Variants in SLC36A1 observed in about 807,000 individuals in gnomAD.
SLC36A1 encodes the protein proton-coupled amino acid transporter 1.
SLC36A1 carries 30 observed loss-of-function variants against 47.5 expected under a neutral mutation model. That is an observed-to-expected ratio of 0.63 (90% CI 0.47 to 0.86). SLC36A1 has a LOEUF of 0.86. SLC36A1 is among the 40% of genes least tolerant of loss of function. The pLI is 0.00. For synonymous variants in SLC36A1, 255 were observed against 249.7 expected (o/e 1.02, Z -0.20); for missense variants, 517 against 606.0 (o/e 0.85, Z 1.54).
At chr5:151,506,002 G>A in the SLC36A1 span, 15 of 1,575,336 alleles carry the variant, frequency 9.5e-6, no homozygotes, top group Non-Finnish European at 1.3e-5. Flanking sequence ...TGAGCCGAGG[G>A]CGGCAGAGGG....
the SLC36A1 span, among the ~76,000 whole-genome samples, chr5:151,507,000 G>A: frequency 2.6e-4 from 39 of 152,330 alleles, no homozygotes; most frequent in African/African-American, 7.9e-4. Context: ...TCCAGCATCC[G>A]TGCCCTGTAA....
chr5:151,549,065 C>G, the SLC36A1 span, among the ~76,000 whole-genome samples: 2 of 152,222 alleles, frequency 1.3e-5, no homozygotes, highest in African/African-American at 4.8e-5. Flanking sequence ...AATATATATG[C>G]AAATTCTCCC....
chr5:151,438,510 G>A (rs1323638568), intron 1 of SLC36A1, among the ~76,000 whole-genome samples: 1 of 152,164 alleles, frequency 6.6e-6, no homozygotes, highest in African/African-American at 2.4e-5. Flanking sequence ...GATTGGGAAA[G>A]TCTTCCTTAT....
At chr5:151,430,581 C>T in the SLC36A1 span, among the ~76,000 whole-genome samples, 1 of 152,130 alleles carries the variant, frequency 6.6e-6, no homozygotes, top group Non-Finnish European at 1.5e-5. Context: ...GCCTTGGCCT[C>T]CCAAAGTGCT....
the SLC36A1 span, chr5:151,525,717 G>T: frequency 1.2e-4 from 199 of 1,599,880 alleles, no homozygotes; most frequent in East Asian, 4.2e-3. Context: ...GCTTTTGCCA[G>T]CATCTTTACT....
the SLC36A1 span, chr5:151,529,291 T>A: frequency 6.2e-7 from 1 of 1,613,972 alleles, no homozygotes; most frequent in African/African-American, 1.3e-5. Flanking sequence ...ATGACTGTGG[T>A]CACGTCACTG....
the SLC36A1 span, chr5:151,521,421 C>T: frequency 6.2e-7 from 1 of 1,614,210 alleles, no homozygotes; most frequent in African/African-American, 1.3e-5. Flanking sequence ...GGCAGGGCAC[C>T]ATGGGCATAG....
chr5:151,354,725 G>A, the SLC36A1 span, among the ~76,000 whole-genome samples: 1 of 152,154 alleles, frequency 6.6e-6, no homozygotes, highest in Non-Finnish European at 1.5e-5. Flanking sequence ...CTAGCTCCAG[G>A]AATAGTCTTG....
chr5:151,531,620 C>T, the SLC36A1 span: 37 of 1,613,026 alleles, frequency 2.3e-5, no homozygotes, highest in East Asian at 2.2e-5. This position sits in a 1 kb window ranked among gnomAD's most constrained non-coding sequence, Gnocchi z 5.7. Context: ...CTGCCTTGCT[C>T]GTTCCCGCTG....
chr5:151,534,727 A>G, the SLC36A1 span: 42 of 1,148,322 alleles, frequency 3.7e-5, no homozygotes, highest in Non-Finnish European at 5.1e-5. Flanking sequence ...CAGGAGACAA[A>G]CCCAGCCACA....
the SLC36A1 span, among the ~76,000 whole-genome samples, chr5:151,552,289 A>G: frequency 3.3e-5 from 5 of 152,076 alleles, no homozygotes; most frequent in Admixed American, 6.6e-5. Flanking sequence ...CCCAGCCCAT[A>G]TGTGTTTTTG....
intron 1 of SLC36A1, among the ~76,000 whole-genome samples, chr5:151,451,955 T>A (rs1753721902): frequency 6.6e-6 from 1 of 152,152 alleles, no homozygotes; most frequent in South Asian, 2.1e-4. Flanking sequence ...ATTTGACTCA[T>A]CCTGGGGCCT....
chr5:151,382,200 T>A, the SLC36A1 span: 1 of 1,186,922 alleles, frequency 8.4e-7, no homozygotes, highest in Non-Finnish European at 1.3e-6. Context: ...GCGTCTGATG[T>A]CCTGGGTGAA....
chr5:151,454,277 T>C (rs1581076211), intron 1 of SLC36A1, among the ~76,000 whole-genome samples: 1 of 152,078 alleles, frequency 6.6e-6, no homozygotes, highest in Non-Finnish European at 1.5e-5. Context: ...TAACAGGTAC[T>C]ATTAAAATCT....
At chr5:151,443,142 G>A (rs1407491964), upstream of SLC36A1, among the ~76,000 whole-genome samples, 5 of 152,034 alleles carry the variant, frequency 3.3e-5, no homozygotes, top group East Asian at 1.9e-4. Flanking sequence ...CATTTCCTTC[G>A]AGTATATGTC....
At chr5:151,375,225 T>C in the SLC36A1 span, among the ~76,000 whole-genome samples, 1 of 152,216 alleles carries the variant, frequency 6.6e-6, no homozygotes, top group Admixed American at 6.5e-5. Flanking sequence ...CAACTTGAGT[T>C]GATTTTTGTA....
chr5:151,476,914 C>T (rs1267528434), intron 9 of SLC36A1, 158 bp downstream of exon 9: 3 of 910,734 alleles, frequency 3.3e-6, no homozygotes, highest in African/African-American at 3.3e-5. Context: ...CTGCCCTGGA[C>T]TGCATTCTGT....
At chr5:151,539,428 G>GT in the SLC36A1 span, among the ~76,000 whole-genome samples, 1 of 152,182 alleles carries the variant, frequency 6.6e-6, no homozygotes, top group Non-Finnish European at 1.5e-5. Context: ...GTTACGTATA[G>GT]TTGCATGTGT....
the SLC36A1 span, among the ~76,000 whole-genome samples, chr5:151,501,632 A>G: frequency 6.8e-6 from 1 of 148,132 alleles, no homozygotes; most frequent in Non-Finnish European, 1.5e-5. Flanking sequence ...TGCTTTAATA[A>G]ACTTTCCATT....
Sources: allele counts gnomAD v4.1 joint callset (sites outside exome capture counted in the v4.1 genomes callset), GRCh38; gene constraint gnomAD v4.1.1; non-coding constraint Gnocchi (gnomAD v3.1); transcripts MANE v1.5; gene names NCBI Gene and HGNC (gene_info 2026-07-23, HGNC 2026-07-21).